Variants in AK4 observed in about 807,000 individuals in gnomAD.
AK4 encodes the protein adenylate kinase 4, mitochondrial.
In AK4, 13 loss-of-function variants were observed where a neutral mutation model predicts 24.6. The ratio of observed to expected loss-of-function variants is 0.53; its 90% CI spans 0.34 to 0.84. AK4 has a LOEUF of 0.84. Among genes scored for constraint, AK4 ranks in the 40% least tolerant of loss-of-function variants. The probability of loss-of-function intolerance (pLI) is 0.01; values close to 1 mark genes in which losing one functional copy is unlikely to be tolerated. For missense variants in AK4, 192 were observed against 288.2 expected, an observed-to-expected ratio of 0.67 and a Z score of 2.42; for synonymous variants, 88 against 107.0, an observed-to-expected ratio of 0.82 and a Z score of 1.10.
At chr1:65,224,722 T>C (rs376714987) in intron 3 of AK4, 30 bp from the exon 4 acceptor site, 16 of 1,578,134 alleles carry the variant, frequency 1.0e-5, no homozygotes, top group Non-Finnish European at 1.4e-5. Flanking sequence ...AACTGTTGTC[T>C]ATATTAATTG....
At chr1:65,197,251 T>C (rs892251986) in intron 2 of AK4, among the ~76,000 whole-genome samples, 3 of 152,186 alleles carry the variant, frequency 2.0e-5, no homozygotes, top group African/African-American at 7.2e-5. Flanking sequence ...ACTTGTGCCT[T>C]GAAATAGTAA....
chr1:65,153,987 G>T (rs1649886531), intron 1 of AK4, among the ~76,000 whole-genome samples: 1 of 152,240 alleles, frequency 6.6e-6, no homozygotes, highest in African/African-American at 2.4e-5. Flanking sequence ...GAGCCTGGGG[G>T]ATCCTGGTAA....
At chr1:65,173,512 C>T (rs942112157) in intron 1 of AK4, among the ~76,000 whole-genome samples, 1 of 152,142 alleles carries the variant, frequency 6.6e-6, no homozygotes, top group African/African-American at 2.4e-5. Flanking sequence ...TTCTGCGTTT[C>T]AGTCTTTCCT....
Position 65,193,631 on chromosome 1 carries a change from G to A in AK4, c.265+2802G>A, listed in dbSNP as rs921954731. On this transcript the variant is annotated intron_variant, in intron 2 of 4. Transcript: ENST00000327299. ...ACAGTAAGGGGTGTGGGAAGGGATT[G>A]GTTCCAGGACCACTCCCTCATACCA... Among the ~76,000 whole-genome samples, 7 of 152,294 alleles carry A rather than the reference G, an allele frequency of 4.6e-5. No homozygotes were observed. The East Asian group carries it at 1.4e-3, about 29-fold the overall frequency.
rs780370468 is a variant in AK4 at position 65,188,960 on chromosome 1, C to T, written c.146-1750C>T. On this transcript the variant is annotated intron_variant, in intron 1 of 4. Coordinates refer to ENST00000327299, the MANE Select transcript of AK4 (RefSeq NM_013410.4). Reference sequence around the variant, plus strand: ...TATTTTTTTATTTTTATTTTTTTTGCGATAGAGTCTTGCTCTGTCACCCAG... The same window carrying T: ...TATTTTTTTATTTTTATTTTTTTTGTGATAGAGTCTTGCTCTGTCACCCAG... Among the ~76,000 whole-genome samples, 69 of 150,796 alleles carry T rather than the reference C, an allele frequency of 4.6e-4. 1 individual carries two copies. Among genetic ancestry groups the T allele is most frequent in the Admixed American group, 3.4e-3 (52 of 15,144 alleles).
rs7523368 is a variant in AK4, at chr1:65,229,014, T to G, written c.*2837T>G. 0.16 allele frequency: 23,635 copies of G among 152,108 alleles called. 2,226 individuals are homozygous for G. Among genetic ancestry groups the G allele is most frequent in the African/African-American group, 0.26 (10,801 of 41,456 alleles). 9.4% of individuals were successfully genotyped at this position (152,108 alleles called of 1,614,324 possible). A position where few individuals can be genotyped will look rare whatever the true frequency, so the allele number is the denominator to read the frequency against. ...CCTTCATAAACATCTCATTTAATCT[T>G]TCTAGCATCCTGTGAAACAGCCATG... On this transcript the variant is annotated 3_prime_UTR_variant, in exon 5 of 5. Coordinates refer to ENST00000327299, the MANE Select transcript of AK4 (RefSeq NM_013410.4).
chr1:65,221,195 T>C (rs1023924661), intron 3 of AK4, among the ~76,000 whole-genome samples: 1 of 152,190 alleles, frequency 6.6e-6, no homozygotes, highest in Admixed American at 6.5e-5. Context: ...GCTGTCTTTA[T>C]CATATAATAG....
At chr1:65,179,435 C>A (rs556562843) in intron 1 of AK4, among the ~76,000 whole-genome samples, 1 of 152,256 alleles carries the variant, frequency 6.6e-6, no homozygotes, top group African/African-American at 2.4e-5. Context: ...TTACTTTGGG[C>A]AAGTTACTTA....
At chr1:65,169,796 TC>T (rs1650448934) in intron 1 of AK4, among the ~76,000 whole-genome samples, 1 of 152,230 alleles carries the variant, frequency 6.6e-6, no homozygotes, top group Non-Finnish European at 1.5e-5. Context: ...ATTTGAACTT[TC>T]TGCAGTTTTT....
chr1:65,188,371 G>T (rs907001909), intron 1 of AK4, among the ~76,000 whole-genome samples: 1 of 120,588 alleles, frequency 8.3e-6, no homozygotes, highest in African/African-American at 3.8e-5. Context: ...TTCCAGCCTG[G>T]GTGACAGTGA....
rs1269083758 is a variant in AK4 at position 65,202,290 on chromosome 1, A to G, written c.265+11461A>G. 3.3e-5 allele frequency among the ~76,000 whole-genome samples: 5 copies of G among 152,260 alleles called. No individual in the cohort carries two copies. The South Asian group carries it at 1.0e-3, about 32-fold the overall frequency. ...CAGGCGCCTGTAGTTCCAGCTACTC[A>G]GGAGACTGAGGCAGGAGAATAGCAC... On this transcript the variant is annotated intron_variant, in intron 2 of 4. Transcript: ENST00000327299.
chr1:65,148,018 C>T (rs868202144), upstream of AK4: 94 of 171,056 alleles, frequency 5.5e-4, no homozygotes, highest in Admixed American at 1.2e-3. Flanking sequence ...GCCCCCTTCT[C>T]GGACGCGGCG....
In AK4 at chr1:65,227,027, A is replaced by AAC. The variant is rs1652487455; in HGVS notation, c.*851_*852insCA. On this transcript the variant is annotated 3_prime_UTR_variant, in exon 5 of 5. Transcript: ENST00000327299. ...TTTCTTTTATTGTGAAAAAAAAAAA[A>AAC]AACCCTGAAAGTCTTGGGAACCCCC... is the stretch of plus-strand genomic sequence containing the variant. 1 of 145,164 alleles carries AAC rather than the reference A, an allele frequency of 6.9e-6. No individual in the cohort carries two copies. The highest frequency in any genetic ancestry group is 1.5e-5 in the Non-Finnish European group (1 of 66,578). The allele number at this position is 145,164 out of a possible 1,614,324, so 9.0% of individuals were successfully genotyped here.
chr1:65,213,725 T>C (rs552783381), intron 2 of AK4, among the ~76,000 whole-genome samples: 2 of 152,310 alleles, frequency 1.3e-5, no homozygotes, highest in South Asian at 2.1e-4. Flanking sequence ...CCCTTTGTCA[T>C]GGGCTGAGTT....
At chr1:65,192,976 T>C (rs967277049) in intron 2 of AK4, among the ~76,000 whole-genome samples, 3 of 152,264 alleles carry the variant, frequency 2.0e-5, no homozygotes, top group East Asian at 3.9e-4. Flanking sequence ...GCAGCTCTCA[T>C]GGGTTGGAGT....
At chr1:65,194,539 G>A (rs991714358) in intron 2 of AK4, among the ~76,000 whole-genome samples, 3 of 151,892 alleles carry the variant, frequency 2.0e-5, no homozygotes, top group African/African-American at 7.3e-5. Context: ...TCAGCTCACT[G>A]CAACCTCCAC....
At chr1:65,178,515 A>G (rs984532748) in intron 1 of AK4, among the ~76,000 whole-genome samples, 2 of 152,222 alleles carry the variant, frequency 1.3e-5, no homozygotes, top group South Asian at 2.1e-4. Context: ...TAGTACAGAC[A>G]CCGAATGAAC....
At chr1:65,212,371 A>G (rs1651998588) in intron 2 of AK4, among the ~76,000 whole-genome samples, 1 of 151,258 alleles carries the variant, frequency 6.6e-6, no homozygotes, top group African/African-American at 2.4e-5. Flanking sequence ...ATCTCAGTGC[A>G]CTGCAACCTC....
At chr1:65,148,162 CGA>C, upstream of AK4, 1 of 752,292 alleles carries the variant, frequency 1.3e-6, no homozygotes, top group Non-Finnish European at 2.0e-6. Context: ...TGGAGGAGGG[CGA>C]GGAGGTGGAG....
Sources: allele counts gnomAD v4.1 joint callset (sites outside exome capture counted in the v4.1 genomes callset), GRCh38; gene constraint gnomAD v4.1.1; transcripts MANE v1.5; gene names NCBI Gene and HGNC (gene_info 2026-07-23, HGNC 2026-07-21).